The following COL11A1 variants were observed in gnomAD, a reference collection of about 807,000 sequenced individuals.
COL11A1 encodes collagen alpha-1(XI) chain.
A neutral mutation model predicts 265.2 loss-of-function variants in COL11A1; 74 were observed. The observed-to-expected ratio is 0.28, with a 90% CI of 0.23 to 0.34. The LOEUF is 0.34. COL11A1 is among the 10% of genes least tolerant of loss of function. COL11A1 has a pLI of 1.00. For synonymous variants in COL11A1, 816 were observed against 727.6 expected (o/e 1.12, Z -1.96); for missense variants, 2,165 against 2,263.6 (o/e 0.96, Z 0.88).
At position 102,877,330 on chromosome 1, in the gene COL11A1, C is replaced by T. The variant is rs1189865267; in HGVS notation, c.*689G>A. On this transcript the variant is annotated 3_prime_UTR_variant, in exon 67 of 67. Coordinates refer to ENST00000370096, the MANE Select transcript of COL11A1 (RefSeq NM_001854.4). The stretch of plus-strand genomic sequence containing the variant: ...TTTTGGCTGAAATTCAGCAAAATGA[C>T]TGTCGGCAGAGAAGAGTTGATCAGA... The T allele has an allele frequency of 6.6e-6, 1 of 152,516 alleles. No individual in the cohort carries two copies. The highest frequency in any genetic ancestry group is 1.9e-4 in the East Asian group (1 of 5,190). The allele number at this position is 152,516 out of a possible 1,614,324, so 9.4% of individuals were successfully genotyped here.
In COL11A1 at chr1:102,886,919, G is replaced by A. The variant is rs1651056020; in HGVS notation, c.4746C>T (p.Ser1582=). The part of the protein sequence containing the change: ...YSDGMEEIFG[S]LNSLKQDIEH... Reference sequence around the variant, plus strand: ...CAATGTCTTGTTTCAGGGAATTGAGGGAACCAAATATTTCTTCCATTCCAT... The same window carrying A: ...CAATGTCTTGTTTCAGGGAATTGAGAGAACCAAATATTTCTTCCATTCCAT... Residue 1582 remains serine (S), a synonymous_variant, in exon 63 of 67, where the codon TCC becomes TCT. Transcript: ENST00000370096. 4 of 1,613,712 alleles carry A rather than the reference G, an allele frequency of 2.5e-6. No homozygotes were observed. Among genetic ancestry groups the A allele is most frequent in the Non-Finnish European group, 3.4e-6 (4 of 1,179,786 alleles).
chr1:102,914,294 T>C lies in COL11A1; in HGVS notation c.3978+58A>G, dbSNP rs375094498. On this transcript the variant is annotated intron_variant, in intron 52 of 66. Transcript: ENST00000370096. ...TAGATTTTTTTTTCTTTATTAACAA[T>C]ACAGAAATTGGAAACATTCACTCCA... 14 of 1,337,694 alleles carry C rather than the reference T, an allele frequency of 1.0e-5. No homozygotes were observed. In the East Asian group the frequency reaches 2.3e-4, roughly 22 times the overall value. The allele number at this position is 1,337,694 out of a possible 1,614,324, so 82.9% of individuals were successfully genotyped here. A position where few individuals can be genotyped will look rare whatever the true frequency, so the allele number is the denominator to read the frequency against.
At chr1:103,089,587 T>C (rs980365302) in intron 1 of COL11A1, among the ~76,000 whole-genome samples, 5 of 152,186 alleles carry the variant, frequency 3.3e-5, no homozygotes, top group African/African-American at 1.2e-4. Flanking sequence ...CCTCTGACAG[T>C]GAACATCAGT....
chr1:102,899,310 T>C (rs1471210003), intron 54 of COL11A1, among the ~76,000 whole-genome samples: 5 of 152,126 alleles, frequency 3.3e-5, no homozygotes, highest in African/African-American at 9.7e-5. Flanking sequence ...AATACTGATA[T>C]ATCATTTATG....
At chr1:102,935,214 C>CCTG in intron 44 of COL11A1, 101 bp from the exon 45 acceptor site, 1 of 886,134 alleles carries the variant, frequency 1.1e-6, no homozygotes, top group South Asian at 1.5e-5. Context: ...CACTTCTGCA[C>CCTG]TCCTTTGGAA....
At chr1:103,081,908 C>G (rs999808019) in intron 2 of COL11A1, among the ~76,000 whole-genome samples, 3 of 151,962 alleles carry the variant, frequency 2.0e-5, no homozygotes, top group Non-Finnish European at 4.4e-5. Context: ...CAGAGAGCCT[C>G]TGTGAAATTC....
intron 37 of COL11A1, among the ~76,000 whole-genome samples, chr1:102,966,386 G>A (rs1661405712): frequency 6.6e-6 from 1 of 152,052 alleles, no homozygotes; most frequent in Non-Finnish European, 1.5e-5. Flanking sequence ...AAAATGGGTA[G>A]GAACTAGCAG....
At chr1:102,988,592 T>C (rs1570955624) in intron 29 of COL11A1, among the ~76,000 whole-genome samples, 1 of 152,114 alleles carries the variant, frequency 6.6e-6, no homozygotes, top group East Asian at 1.9e-4. Context: ...CATGTTTTTG[T>C]TCATGAAAAA....
chr1:103,045,713 A>G (rs1479929943), intron 4 of COL11A1, among the ~76,000 whole-genome samples: 1 of 151,992 alleles, frequency 6.6e-6, no homozygotes. Context: ...GGTGTGCTGC[A>G]CCCACTAACT....
intron 31 of COL11A1, among the ~76,000 whole-genome samples, 165 bp downstream of exon 31, chr1:102,983,973 G>C (rs1048432547): frequency 4.6e-5 from 7 of 151,906 alleles, no homozygotes; most frequent in Non-Finnish European, 1.0e-4. Context: ...TAAGCTCTTT[G>C]AGCTCCCTGC....
At position 103,004,603 on chromosome 1, in the gene COL11A1, C is replaced by T. The variant is rs1665424024; in HGVS notation, c.1899+5G>A. ...TATTTCTTAAGAAAAGAAGTATTAA[C>T]ATACCCTCATTCCATCATCACCAGG... On this transcript the variant is annotated splice_donor_5th_base_variant and intron_variant, in intron 19 of 66. Transcript: ENST00000370096. 1 of 1,607,218 alleles carries T rather than the reference C, an allele frequency of 6.2e-7. No individual in the cohort carries two copies. The highest frequency in any genetic ancestry group is 1.1e-5 in the South Asian group (1 of 90,496).
Position 102,928,939 on chromosome 1 carries a change from G to GTTGT in COL11A1, c.3600+5506_3600+5509dup, listed in dbSNP as rs376994059. Among the ~76,000 whole-genome samples the GTTGT allele has an allele frequency of 0.015, 551 of 36,562 alleles. 31 individuals are homozygous for GTTGT. The East Asian group carries it at 0.18, about 12-fold the overall frequency. 24.0% of individuals were successfully genotyped at this position (36,562 alleles called of 152,430 possible). On this transcript the variant is annotated intron_variant, in intron 46 of 66. Transcript: ENST00000370096. The stretch of plus-strand genomic sequence containing the variant: ...TGTCCTTTGCCCACTTTTTGATGGG[G>GTTGT]TTGTTTTTTTCTTGTAAATTTGTTT...
At chr1:103,007,493 A>T (rs1001186049) in intron 15 of COL11A1, among the ~76,000 whole-genome samples, 3 of 152,186 alleles carry the variant, frequency 2.0e-5, no homozygotes, top group Admixed American at 2.0e-4. Context: ...GAAAAAAATG[A>T]AACCCAAATT....
intron 11 of COL11A1, among the ~76,000 whole-genome samples, chr1:103,017,085 A>G (rs1434930225): frequency 6.6e-6 from 1 of 152,082 alleles, no homozygotes; most frequent in African/African-American, 2.4e-5. Context: ...TTAAGTAAGC[A>G]GAGCATGTAA....
In COL11A1 at chr1:102,978,857, T is replaced by C. The variant is rs980687675; in HGVS notation, c.2709+3A>G. 1 of 1,614,156 alleles carries C rather than the reference T, an allele frequency of 6.2e-7. No homozygotes were observed. Among genetic ancestry groups the C allele is most frequent in the Non-Finnish European group, 8.5e-7 (1 of 1,180,008 alleles). ...ATCCAAACAGAAAAAGTACAGGTGATACCTTTGGCCCAGGTTTCCCAGTGG... is the reference window on the plus strand; with the variant it reads ...ATCCAAACAGAAAAAGTACAGGTGACACCTTTGGCCCAGGTTTCCCAGTGG... On this transcript the variant is annotated splice_donor_region_variant and intron_variant, in intron 34 of 66. Transcript: ENST00000370096.
intron 28 of COL11A1, among the ~76,000 whole-genome samples, chr1:102,992,243 A>T (rs946108060): frequency 6.6e-5 from 10 of 152,138 alleles, no homozygotes; most frequent in African/African-American, 2.4e-4. Flanking sequence ...TGACGTATCA[A>T]GTTATTAAGA....
Position 103,108,399 on chromosome 1 carries a change from C to T in COL11A1, c.-221G>A. Reference sequence around the variant, plus strand: ...TCTGAGTTGGCCCCACCGGCCGGGACCCTCCGGCCGCGACCCTCTGATCCT... The same window carrying T: ...TCTGAGTTGGCCCCACCGGCCGGGATCCTCCGGCCGCGACCCTCTGATCCT... On this transcript the variant is annotated 5_prime_UTR_variant, in exon 1 of 67. Coordinates refer to ENST00000370096, the MANE Select transcript of COL11A1 (RefSeq NM_001854.4). 2 of 614,452 alleles carry T rather than the reference C, an allele frequency of 3.3e-6. No individual in the cohort carries two copies. Among genetic ancestry groups the T allele is most frequent in the Non-Finnish European group, 5.8e-6 (2 of 344,524 alleles). 38.1% of individuals were successfully genotyped at this position (614,452 alleles called of 1,614,324 possible).
chr1:103,046,721 G>T lies in COL11A1; in HGVS notation c.652-15477C>A, dbSNP rs1669301094. ...ATGGTAATGCCTAGGTTTTCTTCTA[G>T]GGTTTTTATGGTTTTAGGTCTAACG... On this transcript the variant is annotated intron_variant, in intron 4 of 66. Coordinates refer to ENST00000370096, the MANE Select transcript of COL11A1 (RefSeq NM_001854.4). 2.6e-5 allele frequency among the ~76,000 whole-genome samples: 4 copies of T among 151,384 alleles called. No individual in the cohort carries two copies. The South Asian group carries it at 8.4e-4, about 32-fold the overall frequency.
intron 31 of COL11A1, among the ~76,000 whole-genome samples, chr1:102,980,785 C>T (rs1234033363): frequency 6.6e-6 from 1 of 152,030 alleles, no homozygotes; most frequent in Non-Finnish European, 1.5e-5. Flanking sequence ...GCACACTCCA[C>T]ATCTACTGAA....
Sources: gnomAD v4.1 joint callset for allele counts (sites outside exome capture counted in the v4.1 genomes callset) on GRCh38, gnomAD v4.1.1 for gene constraint, MANE v1.5 for transcripts, NCBI Gene and HGNC (gene_info 2026-07-23, HGNC 2026-07-21) for gene names.